Variants in CDH13 observed in about 807,000 individuals in gnomAD.
CDH13 encodes cadherin-13.
Under a neutral mutation model 63.8 loss-of-function variants are expected in CDH13, and 24 were observed. The observed-to-expected ratio is 0.38, with a 90% confidence interval of 0.27 to 0.53. The LOEUF is 0.53. Among genes scored for constraint, CDH13 ranks in the 20% least tolerant of loss-of-function variants. CDH13 has a pLI of 0.85. For missense variants in CDH13, 1,049 were observed against 903.1 expected, an observed-to-expected ratio of 1.16 and a Z score of -2.07; for synonymous variants, 503 against 355.3, an observed-to-expected ratio of 1.42 and a Z score of -4.67.
At chr16:83,752,033 A>G (rs1913128131) in intron 11 of CDH13, among the ~76,000 whole-genome samples, 2 of 152,282 alleles carry the variant, frequency 1.3e-5, no homozygotes, top group Non-Finnish European at 2.9e-5. Context: ...TACTGAGTAC[A>G]GAATCAGGGA....
At chr16:83,129,080 G>A (rs1218829754) in intron 4 of CDH13, among the ~76,000 whole-genome samples, 1 of 151,954 alleles carries the variant, frequency 6.6e-6, no homozygotes, top group Non-Finnish European at 1.5e-5. Flanking sequence ...TATATCTCCT[G>A]TCTTATCCTC....
At chr16:82,633,195 G>T (rs1039184737) in intron 1 of CDH13, among the ~76,000 whole-genome samples, 2 of 152,218 alleles carry the variant, frequency 1.3e-5, no homozygotes, top group African/African-American at 4.8e-5. Flanking sequence ...CAAGAGCATG[G>T]CTGTCCTTGG....
chr16:83,624,338 G>GCC (rs202230797), intron 8 of CDH13, among the ~76,000 whole-genome samples: 4,113 of 141,294 alleles, frequency 0.029, 160 homozygotes, highest in Non-Finnish European at 0.04. Context: ...ATGAGATAAC[G>GCC]CCCCCACCCC....
chr16:83,235,196 C>T (rs145065877), intron 5 of CDH13, among the ~76,000 whole-genome samples: 28 of 152,016 alleles, frequency 1.8e-4, no homozygotes, highest in Admixed American at 7.2e-4. Context: ...CAGAGTGAGA[C>T]CCAGTCTCAA....
At chr16:83,355,653 G>A (rs1415689913) in intron 6 of CDH13, among the ~76,000 whole-genome samples, 1 of 152,164 alleles carries the variant, frequency 6.6e-6, no homozygotes, top group Non-Finnish European at 1.5e-5. Context: ...CGTATACCAG[G>A]TATGCTGTTT....
At chr16:83,570,496 G>C (rs993927656) in intron 7 of CDH13, among the ~76,000 whole-genome samples, 1 of 151,836 alleles carries the variant, frequency 6.6e-6, no homozygotes, top group African/African-American at 2.4e-5. Flanking sequence ...AAGGAAAAAC[G>C]TACTGCTGCC....
In CDH13 at chr16:82,729,669, A is replaced by AAAGTCAC. The variant is rs1220352687; in HGVS notation, c.45+102533_45+102539dup. ...GGTCAATGAGCATTGGCTTCAACTA[A>AAAGTCAC]AAGTCACTGGCTGTTTAGCCCCTAA... On this transcript the variant is annotated intron_variant, in intron 1 of 13. Transcript: ENST00000567109. Among the ~76,000 whole-genome samples the AAAGTCAC allele has an allele frequency of 3.9e-5, 6 of 152,302 alleles. No individual in the cohort carries two copies. The South Asian group carries it at 6.2e-4, about 16-fold the overall frequency.
intron 3 of CDH13, among the ~76,000 whole-genome samples, chr16:83,034,754 A>G (rs1819485787): frequency 6.6e-6 from 1 of 152,172 alleles, no homozygotes; most frequent in African/African-American, 2.4e-5. Context: ...GGTTCTCGGG[A>G]CCAACCCCAC....
intron 1 of CDH13, among the ~76,000 whole-genome samples, chr16:82,774,811 A>C (rs2035422416): frequency 6.6e-6 from 1 of 152,326 alleles, no homozygotes; most frequent in South Asian, 2.1e-4. Context: ...CCCCCTGGTC[A>C]GGGTGTGTTC....
intron 1 of CDH13, among the ~76,000 whole-genome samples, chr16:82,772,374 G>A (rs562055314): frequency 1.8e-4 from 28 of 152,238 alleles, no homozygotes; most frequent in African/African-American, 6.0e-4. Flanking sequence ...TGCAGGGACA[G>A]CATCTACTGC....
intron 1 of CDH13, among the ~76,000 whole-genome samples, chr16:82,758,430 C>T (rs1022560448): frequency 6.6e-6 from 1 of 151,326 alleles, no homozygotes; most frequent in Non-Finnish European, 1.5e-5. Flanking sequence ...GTTGATACCC[C>T]CCCCCCTTTG....
At chr16:83,519,843 C>G (rs901272294) in intron 7 of CDH13, among the ~76,000 whole-genome samples, 5 of 152,024 alleles carry the variant, frequency 3.3e-5, no homozygotes, top group Non-Finnish European at 4.4e-5. Flanking sequence ...AGGACGTTAG[C>G]TTTGAATGGG....
In CDH13 at chr16:83,014,340, A is replaced by C. The variant is rs866203710; in HGVS notation, c.158-17670A>C. Reference sequence around the variant, plus strand: ...TCGATAAAAAAAAAAAAAAAAAAAAAAAACTTAGCATCTAACTAAATTTTA... The same window carrying C: ...TCGATAAAAAAAAAAAAAAAAAAAACAAACTTAGCATCTAACTAAATTTTA... On this transcript the variant is annotated intron_variant, in intron 2 of 13. Transcript: ENST00000567109. Among the ~76,000 whole-genome samples, 285 of 151,696 alleles carry C rather than the reference A, an allele frequency of 1.9e-3. 1 individual carries two copies. The highest frequency in any genetic ancestry group is 0.017 in the Middle Eastern group (5 of 294).
chr16:83,017,309 A>C (rs1284271405), intron 2 of CDH13, among the ~76,000 whole-genome samples: 1 of 152,162 alleles, frequency 6.6e-6, no homozygotes, highest in African/African-American at 2.4e-5. Context: ...GATTCTACTC[A>C]ATTCCATTTT....
At chr16:83,418,067 C>T (rs964082086) in intron 6 of CDH13, among the ~76,000 whole-genome samples, 11 of 152,124 alleles carry the variant, frequency 7.2e-5, no homozygotes, top group Non-Finnish European at 1.5e-4. Context: ...TGCAGTAGAA[C>T]ATGGCAGTTA....
intron 6 of CDH13, among the ~76,000 whole-genome samples, chr16:83,461,413 C>T (rs2073179138): frequency 6.6e-6 from 1 of 152,132 alleles, no homozygotes; most frequent in Non-Finnish European, 1.5e-5. Flanking sequence ...TTCTGAAAGG[C>T]ATGGACAAGC....
chr16:83,050,434 T>C (rs1273321335), intron 3 of CDH13, among the ~76,000 whole-genome samples: 1 of 152,174 alleles, frequency 6.6e-6, no homozygotes, highest in African/African-American at 2.4e-5. Context: ...CTTGAAATGC[T>C]CTTCCGTTTG....
intron 11 of CDH13, among the ~76,000 whole-genome samples, chr16:83,766,689 C>T (rs140372372): frequency 3.0e-4 from 45 of 152,324 alleles, no homozygotes; most frequent in African/African-American, 1.0e-3. Flanking sequence ...GAGATCCTAA[C>T]ATTCTGTGCC....
chr16:83,010,341 C>A (rs374177798), intron 2 of CDH13, among the ~76,000 whole-genome samples: 13 of 151,974 alleles, frequency 8.6e-5, no homozygotes, highest in Admixed American at 3.9e-4. Context: ...TCAGTTAATA[C>A]CCCTCCCACC....
Sources: gnomAD v4.1 joint callset for allele counts (sites outside exome capture counted in the v4.1 genomes callset) on GRCh38, gnomAD v4.1.1 for gene constraint, MANE v1.5 for transcripts, NCBI Gene and HGNC (gene_info 2026-07-23, HGNC 2026-07-21) for gene names.